Variants in EDN1 observed in about 807,000 individuals in gnomAD.
The protein encoded by EDN1 is endothelin-1.
EDN1 carries 11 observed loss-of-function variants against 21.7 expected under a neutral mutation model. The ratio of observed to expected loss-of-function variants is 0.51; its 90% confidence interval spans 0.32 to 0.84. The LOEUF is 0.84. Among genes scored for constraint, EDN1 ranks in the 40% least tolerant of loss-of-function variants. The pLI is 0.03. For missense variants in EDN1, 244 were observed against 262.3 expected, an observed-to-expected ratio of 0.93 and a Z score of 0.48; for synonymous variants, 85 against 90.6, an observed-to-expected ratio of 0.94 and a Z score of 0.35.
the EDN1 span, among the ~76,000 whole-genome samples, chr6:12,246,575 G>C: frequency 5.3e-5 from 8 of 152,058 alleles, no homozygotes; most frequent in Non-Finnish European, 1.0e-4. Context: ...AAATGTCAAG[G>C]CTGTGTATTA....
the EDN1 span, among the ~76,000 whole-genome samples, chr6:12,284,875 T>G: frequency 1.3e-5 from 2 of 152,110 alleles, no homozygotes; most frequent in Admixed American, 6.5e-5. Flanking sequence ...TTCAGACACA[T>G]GGAAAGCTTG....
chr6:12,240,580 A>G, the EDN1 span, among the ~76,000 whole-genome samples: 126 of 152,274 alleles, frequency 8.3e-4, no homozygotes, highest in Non-Finnish European at 1.5e-3. Flanking sequence ...CAGACCTGAT[A>G]AAGAGCATGG....
chr6:12,237,122 T>C, the EDN1 span, among the ~76,000 whole-genome samples: 1 of 152,164 alleles, frequency 6.6e-6, no homozygotes, highest in Non-Finnish European at 1.5e-5. Flanking sequence ...AATGATGGTT[T>C]CCAGCTTCAT....
the EDN1 span, among the ~76,000 whole-genome samples, chr6:12,243,366 G>A: frequency 6.6e-6 from 1 of 151,716 alleles, no homozygotes; most frequent in African/African-American, 2.4e-5. Flanking sequence ...CTCAGGGGCG[G>A]CAGAGGTGGA....
the EDN1 span, among the ~76,000 whole-genome samples, chr6:12,254,468 C>T: frequency 1.3e-5 from 2 of 152,164 alleles, no homozygotes; most frequent in Non-Finnish European, 2.9e-5. Flanking sequence ...ATTATAACAG[C>T]CTGTTGATAT....
At chr6:12,291,714 C>T (rs996274980) in intron 1 of EDN1, among the ~76,000 whole-genome samples, 1 of 152,198 alleles carries the variant, frequency 6.6e-6, no homozygotes, top group Non-Finnish European at 1.5e-5. Flanking sequence ...CTTCTCAGCC[C>T]CACCTTAGGT....
chr6:12,292,363 C>T lies in EDN1; in HGVS notation c.87C>T (p.Ser29=), dbSNP rs759759347. The T allele has an allele frequency of 5.6e-6, 9 of 1,614,134 alleles. No homozygotes were observed. Among genetic ancestry groups the T allele is most frequent in the Non-Finnish European group, 7.6e-6 (9 of 1,180,034 alleles). The change falls in exon 2 of 5, where the codon AGC becomes AGT. Residue 29 remains serine, a synonymous_variant. Coordinates refer to ENST00000379375, the MANE Select transcript of EDN1 (RefSeq NM_001955.5). ...CAGCAGTCTTAGGCGCTGAGCTCAG[C>T]GCGGTGGGTGAGAACGGCGGGGAGA... ...PETAVLGAEL[S]AVGENGGEKP...
upstream of EDN1, among the ~76,000 whole-genome samples, chr6:12,287,332 G>T (rs1221239744): frequency 1.3e-5 from 2 of 151,890 alleles, no homozygotes; most frequent in Non-Finnish European, 1.5e-5. Flanking sequence ...CCTTTGTCCA[G>T]CTCTTTTCAC....
Position 12,292,352 on chromosome 6 carries a change from G to A in EDN1, c.76G>A (p.Ala26Thr), listed in dbSNP as rs1367007262. 1.2e-6 allele frequency: 2 copies of A among 1,613,972 alleles called. No individual in the cohort carries two copies. Among genetic ancestry groups the A allele is most frequent in the Non-Finnish European group, 1.7e-6 (2 of 1,180,054 alleles). The part of the protein sequence containing the change: ...QGAPETAVLG[A>T]ELSAVGENGG... ...CTTTCTCTCCCCAGCAGTCTTAGGC[G>A]CTGAGCTCAGCGCGGTGGGTGAGAA... Residue 26 changes from alanine (A) to threonine (T), a missense_variant, in exon 2 of 5, where the codon GCT becomes ACT. By Grantham distance (58) the Ala-to-Thr change is moderately conservative. Transcript: ENST00000379375.
the EDN1 span, among the ~76,000 whole-genome samples, chr6:12,253,093 A>T: frequency 6.6e-6 from 1 of 152,106 alleles, no homozygotes. Flanking sequence ...ATAAAATATA[A>T]CCCCACACAC....
chr6:12,251,684 G>A, the EDN1 span, among the ~76,000 whole-genome samples: 1 of 152,124 alleles, frequency 6.6e-6, no homozygotes, highest in Non-Finnish European at 1.5e-5. Context: ...GAACCGATAC[G>A]GCCAGCTGGA....
the EDN1 span, among the ~76,000 whole-genome samples, chr6:12,240,397 A>T: frequency 6.6e-6 from 1 of 152,180 alleles, no homozygotes; most frequent in Non-Finnish European, 1.5e-5. Context: ...GTGGGATCTG[A>T]TAATATTTAG....
At chr6:12,292,627 G>T in intron 2 of EDN1, 118 bp downstream of exon 2, 1 of 1,201,332 alleles carries the variant, frequency 8.3e-7, no homozygotes, top group Non-Finnish European at 1.2e-6. Flanking sequence ...CACCATCCAA[G>T]TGCCTCAGTG....
the EDN1 span, among the ~76,000 whole-genome samples, chr6:12,266,606 A>G: frequency 1.3e-5 from 2 of 152,216 alleles, no homozygotes; most frequent in East Asian, 1.9e-4. Flanking sequence ...CACTGGGAGC[A>G]CAGAGGAGGG....
chr6:12,234,343 G>A, the EDN1 span, among the ~76,000 whole-genome samples: 1 of 152,160 alleles, frequency 6.6e-6, no homozygotes, highest in Non-Finnish European at 1.5e-5. Context: ...GCTTCTCTGG[G>A]TTCTCAGACC....
At position 12,296,350 on chromosome 6, in the gene EDN1, G is replaced by C. The variant is rs1232005480; in HGVS notation, c.*283G>C. The stretch of plus-strand genomic sequence containing the variant: ...ACACAGTCACATTCGAATTCGGGTG[G>C]CATCCTCCGGAGAGAGAGAGAGGAA... On this transcript the variant is annotated 3_prime_UTR_variant, in exon 5 of 5. Coordinates refer to ENST00000379375, the MANE Select transcript of EDN1 (RefSeq NM_001955.5). 4 of 386,350 alleles carry C rather than the reference G, an allele frequency of 1.0e-5. No individual in the cohort carries two copies. Among genetic ancestry groups the C allele is most frequent in the Non-Finnish European group, 2.0e-5 (4 of 201,448 alleles). The allele number at this position is 386,350 out of a possible 1,614,324, so 23.9% of individuals were successfully genotyped here. A position where few individuals can be genotyped will look rare whatever the true frequency, so the allele number is the denominator to read the frequency against.
the EDN1 span, among the ~76,000 whole-genome samples, chr6:12,255,664 T>C: frequency 1.9e-4 from 29 of 152,352 alleles, no homozygotes; most frequent in East Asian, 7.7e-4. Flanking sequence ...GTCCCTGAGA[T>C]AGTTCCTAGT....
chr6:12,289,323 AAG>A, upstream of EDN1, among the ~76,000 whole-genome samples: 1 of 152,292 alleles, frequency 6.6e-6, no homozygotes, highest in East Asian at 1.9e-4. Flanking sequence ...CCCCAAAAAA[AAG>A]AGTCCCAGAA....
At chr6:12,261,736 G>C in the EDN1 span, among the ~76,000 whole-genome samples, 1 of 152,228 alleles carries the variant, frequency 6.6e-6, no homozygotes, top group East Asian at 1.9e-4. Context: ...CCTGGGATGA[G>C]GCGGCGGCGC....
Sources: gnomAD v4.1 joint callset for allele counts (sites outside exome capture counted in the v4.1 genomes callset) on GRCh38, gnomAD v4.1.1 for gene constraint, MANE v1.5 for transcripts, NCBI Gene and HGNC (gene_info 2026-07-23, HGNC 2026-07-21) for gene names.